Variants in EHD3 observed in about 807,000 individuals in gnomAD.
The protein encoded by EHD3 is EH domain-containing protein 3.
Under a neutral mutation model 43.0 loss-of-function variants are expected in EHD3, and 17 were observed. The ratio of observed to expected loss-of-function variants is 0.40; its 90% CI spans 0.27 to 0.59. The LOEUF (loss-of-function observed/expected upper bound fraction) is 0.59, where lower values mean the gene tolerates loss of function less well. Ranked by LOEUF, EHD3 falls within the 20% of genes least tolerant of loss-of-function variation. The pLI is 0.49. For synonymous variants in EHD3, 313 were observed against 289.5 expected, an observed-to-expected ratio of 1.08 and a Z score of -0.82; for missense variants, 594 against 705.6, an observed-to-expected ratio of 0.84 and a Z score of 1.79.
chr2:31,260,421 T>G lies in EHD3; in HGVS notation c.503-89T>G. ...TAAACTTAGATCTGACTCCCAAGACTGTGTTATTTCTACCACACCCGACTG... is the reference window on the plus strand; with the variant it reads ...TAAACTTAGATCTGACTCCCAAGACGGTGTTATTTCTACCACACCCGACTG... On this transcript the variant is annotated intron_variant, in intron 3 of 5. Coordinates refer to ENST00000322054, the MANE Select transcript of EHD3 (RefSeq NM_014600.3). The surrounding 1 kb of genome is among the most constrained non-coding windows in gnomAD (Gnocchi z 4.6). 2 of 1,329,286 alleles carry G rather than the reference T, an allele frequency of 1.5e-6. No homozygotes were observed. Among genetic ancestry groups the G allele is most frequent in the Non-Finnish European group, 2.0e-6 (2 of 978,194 alleles). 82.3% of individuals were successfully genotyped at this position (1,329,286 alleles called of 1,614,324 possible). A position where few individuals can be genotyped will look rare whatever the true frequency, so the allele number is the denominator to read the frequency against.
intron 1 of EHD3, among the ~76,000 whole-genome samples, chr2:31,235,507 G>T (rs560691534): frequency 2.6e-5 from 4 of 152,086 alleles, no homozygotes; most frequent in African/African-American, 9.6e-5. Flanking sequence ...TATTAAAGAC[G>T]CTTAGAGATG....
At position 31,261,663 on chromosome 2, in the gene EHD3, C is replaced by G; in HGVS notation, c.1030C>G (p.Arg344Gly). The G allele has an allele frequency of 6.2e-7, 1 of 1,614,176 alleles. No individual in the cohort carries two copies. The highest frequency in any genetic ancestry group is 8.5e-7 in the Non-Finnish European group (1 of 1,180,024). The part of the protein sequence containing the change: ...NLAEIYGRIE[R>G]EHQISPGDFP... ...GGCCGAGATCTATGGCCGGATCGAG[C>G]GGGAGCACCAGATCTCACCTGGGGA... Residue 344 changes from arginine (R) to glycine (G), a missense_variant, in exon 5 of 6, where the codon CGG (arginine) becomes GGG (glycine). Arg to Gly is a moderately radical substitution (Grantham distance 125). Around this residue, in one of 3 missense-constraint regions of EHD3, gnomAD observed 322 missense variants for 348.0 expected, o/e 0.93. Transcript: ENST00000322054.
At position 31,260,413 on chromosome 2, in the gene EHD3, C is replaced by G; in HGVS notation, c.503-97C>G. The G allele has an allele frequency of 7.8e-7, 1 of 1,279,996 alleles. No individual in the cohort carries two copies. The allele number at this position is 1,279,996 out of a possible 1,614,324, so 79.3% of individuals were successfully genotyped here. A position where few individuals can be genotyped will look rare whatever the true frequency, so the allele number is the denominator to read the frequency against. On this transcript the variant is annotated intron_variant, in intron 3 of 5. Transcript: ENST00000322054. This position sits in a 1 kb window ranked among gnomAD's most constrained non-coding sequence, Gnocchi z 4.6. ...CCAGGATTTAAACTTAGATCTGACT[C>G]CCAAGACTGTGTTATTTCTACCACA...
intron 3 of EHD3, among the ~76,000 whole-genome samples, chr2:31,257,873 C>G (rs1683781396): frequency 6.6e-6 from 1 of 152,162 alleles, no homozygotes. Flanking sequence ...AAGGCAAAAT[C>G]TAGTTCACAC....
At position 31,234,614 on chromosome 2, in the gene EHD3, C is replaced by G; in HGVS notation, c.-8C>G. 6.2e-7 allele frequency: 1 copy of G among 1,612,882 alleles called. No individual in the cohort carries two copies. The highest frequency in any genetic ancestry group is 8.5e-7 in the Non-Finnish European group (1 of 1,179,766). On this transcript the variant is annotated 5_prime_UTR_variant, in exon 1 of 6. Transcript: ENST00000322054. Reference sequence around the variant, plus strand: ...GGGGCTGCGTGCCGGGGGCGAGCGGCGGCCGCGATGTTCAGCTGGCTGGGT... The same window carrying G: ...GGGGCTGCGTGCCGGGGGCGAGCGGGGGCCGCGATGTTCAGCTGGCTGGGT...
intron 3 of EHD3, among the ~76,000 whole-genome samples, chr2:31,252,860 G>T (rs1366076625): frequency 6.6e-6 from 1 of 152,120 alleles, no homozygotes; most frequent in Non-Finnish European, 1.5e-5. Context: ...CTGCTTTCCT[G>T]AGTCCAGACT....
chr2:31,249,313 T>C lies in EHD3; in HGVS notation c.405-58T>C, dbSNP rs188004298. The C allele has an allele frequency of 4.8e-4, 715 of 1,501,552 alleles. 2 individuals are homozygous for C. The African/African-American group carries it at 7.7e-3, about 16-fold the overall frequency. 93.0% of individuals were successfully genotyped at this position (1,501,552 alleles called of 1,614,324 possible). ...GAGACAAGACAGGTGGTTGGAGTCATGCGGCTAGGTCATGAAAGGTGGGCG... is the reference window on the plus strand; with the variant it reads ...GAGACAAGACAGGTGGTTGGAGTCACGCGGCTAGGTCATGAAAGGTGGGCG... On this transcript the variant is annotated intron_variant, in intron 2 of 5. Coordinates refer to ENST00000322054, the MANE Select transcript of EHD3 (RefSeq NM_014600.3).
rs1339446713 is a variant in EHD3 at position 31,234,613 on chromosome 2, G to A, written c.-9G>A. On this transcript the variant is annotated 5_prime_UTR_variant, in exon 1 of 6. Transcript: ENST00000322054. ...TGGGGCTGCGTGCCGGGGGCGAGCG[G>A]CGGCCGCGATGTTCAGCTGGCTGGG... 1.2e-6 allele frequency: 2 copies of A among 1,612,906 alleles called. No individual in the cohort carries two copies. Among genetic ancestry groups the A allele is most frequent in the Admixed American group, 1.7e-5 (1 of 60,022 alleles).
At chr2:31,242,258 T>G (rs1034342598) in intron 1 of EHD3, among the ~76,000 whole-genome samples, 5 of 152,338 alleles carry the variant, frequency 3.3e-5, no homozygotes, top group African/African-American at 1.2e-4. Flanking sequence ...GGCCTGCTGC[T>G]GCAGTCCACC....
intron 5 of EHD3, among the ~76,000 whole-genome samples, chr2:31,263,026 G>T (rs1052870339): frequency 6.6e-6 from 1 of 152,202 alleles, no homozygotes; most frequent in African/African-American, 2.4e-5. Flanking sequence ...CAGTTTCTCA[G>T]TTTAAATCTA....
At chr2:31,264,570 CTG>C (rs199653845) in intron 5 of EHD3, among the ~76,000 whole-genome samples, 3,251 of 125,624 alleles carry the variant, frequency 0.026, 76 homozygotes, top group Non-Finnish European at 0.033. Flanking sequence ...GAGTCTCACT[CTG>C]TTGCTAGGCT....
At position 31,266,167 on chromosome 2, in the gene EHD3, C is replaced by T; in HGVS notation, c.1081-10C>T. The T allele has an allele frequency of 6.2e-7, 1 of 1,602,606 alleles. No individual in the cohort carries two copies. Among genetic ancestry groups the T allele is most frequent in the African/African-American group, 1.3e-5 (1 of 74,858 alleles). The stretch of plus-strand genomic sequence containing the variant: ...TATCCTATCTTCATCCTCTCTCCTC[C>T]TCTTCCCAGGACCAGCTGCAGGCCC... On this transcript the variant is annotated splice_polypyrimidine_tract_variant and intron_variant, in intron 5 of 5. Transcript: ENST00000322054. The surrounding 1 kb of genome is among the most constrained non-coding windows in gnomAD (Gnocchi z 5.1).
At chr2:31,244,598 TGA>T in intron 2 of EHD3, 148 bp downstream of exon 2, 1 of 906,170 alleles carries the variant, frequency 1.1e-6, no homozygotes, top group Non-Finnish European at 1.6e-6. Flanking sequence ...CCTTGCTTGC[TGA>T]GAGTGTAACT....
intron 1 of EHD3, among the ~76,000 whole-genome samples, chr2:31,237,490 C>T (rs949990159): frequency 1.2e-4 from 19 of 152,034 alleles, no homozygotes; most frequent in Admixed American, 7.9e-4. Context: ...GTGCAACCTC[C>T]GCCTCCTGTG....
Position 31,239,907 on chromosome 2 carries a change from C to CGAAGGGGAGGGCTGGA in EHD3, c.228-4359_228-4344dup, listed in dbSNP as rs373694805. The stretch of plus-strand genomic sequence containing the variant: ...GGTGCGGGAAGGCCCTTCTCCAGCA[C>CGAAGGGGAGGGCTGGA]GAAGGGGAGGGCTGGAGAAGGGGCA... On this transcript the variant is annotated intron_variant, in intron 1 of 5. Coordinates refer to ENST00000322054, the MANE Select transcript of EHD3 (RefSeq NM_014600.3). 6.0e-3 allele frequency among the ~76,000 whole-genome samples: 910 copies of CGAAGGGGAGGGCTGGA among 152,198 alleles called. 11 individuals carry two copies. Among genetic ancestry groups the CGAAGGGGAGGGCTGGA allele is most frequent in the African/African-American group, 0.021 (860 of 41,518 alleles).
intron 1 of EHD3, among the ~76,000 whole-genome samples, chr2:31,240,951 A>G (rs1273874981): frequency 1.3e-5 from 2 of 152,188 alleles, no homozygotes; most frequent in Admixed American, 6.5e-5. Context: ...GCAAAGATAG[A>G]TGGGGTTTCC....
intron 1 of EHD3, among the ~76,000 whole-genome samples, chr2:31,235,050 C>G (rs1683298179): frequency 6.6e-6 from 1 of 152,124 alleles, no homozygotes; most frequent in Non-Finnish European, 1.5e-5. Context: ...CAATACCTGT[C>G]CACTCTACTT....
At chr2:31,250,577 T>C (rs1320289881) in intron 3 of EHD3, among the ~76,000 whole-genome samples, 1 of 152,186 alleles carries the variant, frequency 6.6e-6, no homozygotes, top group African/African-American at 2.4e-5. Context: ...TGTTTTCTTT[T>C]TTCTAACTCT....
intron 3 of EHD3, among the ~76,000 whole-genome samples, chr2:31,256,149 G>A (rs538098839): frequency 3.3e-5 from 5 of 152,334 alleles, no homozygotes; most frequent in Non-Finnish European, 7.3e-5. Context: ...AAGCGGAAAC[G>A]AGAGGTGGAC....
Sources: allele counts gnomAD v4.1 joint callset (sites outside exome capture counted in the v4.1 genomes callset), GRCh38; gene constraint gnomAD v4.1.1; regional missense constraint gnomAD v4.1.1; non-coding constraint Gnocchi (gnomAD v3.1); transcripts MANE v1.5; gene names NCBI Gene and HGNC (gene_info 2026-07-23, HGNC 2026-07-21).